Variants in KIAA1217 observed in about 807,000 individuals in gnomAD.
KIAA1217 encodes the protein KIAA1217, also known as sickle tail protein homolog.
Under a neutral mutation model 163.9 loss-of-function variants are expected in KIAA1217, and 88 were observed. The observed-to-expected ratio is 0.54, with a 90% CI of 0.45 to 0.64. The LOEUF is 0.64. Among genes scored for constraint, KIAA1217 ranks in the 30% least tolerant of loss-of-function variants. KIAA1217 has a pLI of 0.00. For synonymous variants in KIAA1217, 903 were observed against 923.1 expected (o/e 0.98, Z 0.39); for missense variants, 2,372 against 2,475.0 (o/e 0.96, Z 0.88).
Position 24,465,733 on chromosome 10 carries a change from T to C in KIAA1217, c.847-7495T>C, listed in dbSNP as rs116190261. 6.9e-4 allele frequency among the ~76,000 whole-genome samples: 105 copies of C among 152,312 alleles called. 1 individual carries two copies. The highest frequency in any genetic ancestry group is 2.4e-3 in the African/African-American group (100 of 41,578). ...CTCCGCTGAGAGCTGCACAAGTCAC[T>C]TCGTGTTGTGGACACGCACCTTCTT... On this transcript the variant is annotated intron_variant, in intron 5 of 20. Transcript: ENST00000376454.
intron 2 of KIAA1217, among the ~76,000 whole-genome samples, chr10:24,014,708 T>C (rs183951022): frequency 1.3e-5 from 2 of 152,258 alleles, no homozygotes; most frequent in East Asian, 3.9e-4. Context: ...CTTAAGAAAG[T>C]CTCAAAACTT....
intron 2 of KIAA1217, among the ~76,000 whole-genome samples, chr10:24,324,566 C>T (rs2044617076): frequency 6.6e-6 from 1 of 152,122 alleles, no homozygotes; most frequent in African/African-American, 2.4e-5. Flanking sequence ...GACTTCATAT[C>T]AAAACAAACA....
rs2075499882 is a variant in KIAA1217 at position 24,544,606 on chromosome 10, GTTCGCCATGAAACCC to G, written c.5211+129_5211+143del. 1.9e-5 allele frequency: 21 copies of G among 1,115,492 alleles called. No homozygotes were observed. In the South Asian group the frequency reaches 3.5e-4, roughly 18 times the overall value. 69.1% of individuals were successfully genotyped at this position (1,115,492 alleles called of 1,614,324 possible). A position where few individuals can be genotyped will look rare whatever the true frequency, so the allele number is the denominator to read the frequency against. On this transcript the variant is annotated intron_variant, in intron 19 of 20. Transcript: ENST00000376454. ...TCAGGTGGCTTTTTTTTTTTTGTCT[GTTCGCCATGAAACCC>G]TTCTTTCATACTTTCTCCCTCACCT...
At chr10:24,322,689 T>C (rs560574574) in intron 2 of KIAA1217, among the ~76,000 whole-genome samples, 6 of 152,220 alleles carry the variant, frequency 3.9e-5, no homozygotes, top group Admixed American at 3.9e-4. Context: ...CCAGAGTGGG[T>C]AGACGTCTTT....
Position 24,344,496 on chromosome 10 carries a change from T to G in KIAA1217, c.355-36373T>G, listed in dbSNP as rs80301369. The stretch of plus-strand genomic sequence containing the variant: ...CTTGCAGAGCAGGAAGTTGAGGTTT[T>G]GGGGTAGAGTCCAAGAGTCAGTTCT... On this transcript the variant is annotated intron_variant, in intron 2 of 20. Coordinates refer to ENST00000376454, the MANE Select transcript of KIAA1217 (RefSeq NM_019590.5). Among the ~76,000 whole-genome samples the G allele has an allele frequency of 6.6e-4, 100 of 152,314 alleles. No homozygotes were observed. In the East Asian group the frequency reaches 0.018, roughly 28 times the overall value.
intron 2 of KIAA1217, among the ~76,000 whole-genome samples, chr10:24,130,542 C>G (rs2063616330): frequency 6.6e-6 from 1 of 152,096 alleles, no homozygotes; most frequent in East Asian, 1.9e-4. Context: ...AATGAACTAG[C>G]AAATGTATGC....
chr10:24,167,008 A>G (rs1280951723), intron 2 of KIAA1217, among the ~76,000 whole-genome samples: 1 of 152,110 alleles, frequency 6.6e-6, no homozygotes, highest in Non-Finnish European at 1.5e-5. Flanking sequence ...GGCAGCGAAT[A>G]AGTTAAAAAT....
In KIAA1217 at chr10:24,438,442, T is replaced by C. The variant is rs2060235902; in HGVS notation, c.809T>C (p.Phe270Ser). Reference sequence around the variant, plus strand: ...TACAACAAGGATCCTGCACATGCGTTTAATCACACACCAAAAACTATGAAT... The same window carrying C: ...TACAACAAGGATCCTGCACATGCGTCTAATCACACACCAAAAACTATGAAT... ...KVYNKDPAHA[F>S]NHTPKTMNGD... The change falls in exon 5 of 21, where the codon TTT becomes TCT. Residue 270 changes from phenylalanine (F) to serine (S), a missense_variant. Physicochemically the swap from Phe to Ser is radical, Grantham distance 155. Coordinates refer to ENST00000376454, the MANE Select transcript of KIAA1217 (RefSeq NM_019590.5). 6.2e-7 allele frequency: 1 copy of C among 1,613,294 alleles called. No individual in the cohort carries two copies. The highest frequency in any genetic ancestry group is 1.3e-5 in the African/African-American group (1 of 74,916).
chr10:24,088,274 TACAC>T (rs1257847458), intron 2 of KIAA1217, among the ~76,000 whole-genome samples: 3 of 107,232 alleles, frequency 2.8e-5, no homozygotes, highest in African/African-American at 3.1e-5. Context: ...TATATATATA[TACAC>T]ACATATATGT....
At chr10:23,858,469 G>A (rs1040475976) in intron 1 of KIAA1217, among the ~76,000 whole-genome samples, 1 of 151,704 alleles carries the variant, frequency 6.6e-6, no homozygotes, top group East Asian at 1.9e-4. Context: ...ATATGTGTGT[G>A]TGTATATACA....
At chr10:24,428,009 G>T (rs1321623583) in intron 3 of KIAA1217, among the ~76,000 whole-genome samples, 3 of 152,326 alleles carry the variant, frequency 2.0e-5, no homozygotes, top group African/African-American at 7.2e-5. Context: ...CCAGCTGGCA[G>T]CTGCACCAGC....
intron 2 of KIAA1217, among the ~76,000 whole-genome samples, chr10:24,350,858 T>C (rs1196303412): frequency 1.3e-5 from 2 of 151,330 alleles, no homozygotes; most frequent in East Asian, 1.9e-4. Context: ...ACTGATAAGA[T>C]CTTAATTGCA....
chr10:24,412,220 T>G (rs953607793), intron 3 of KIAA1217, among the ~76,000 whole-genome samples: 1 of 152,132 alleles, frequency 6.6e-6, no homozygotes, highest in Non-Finnish European at 1.5e-5. Context: ...CTAAAAATAT[T>G]TCTATTATTA....
chr10:24,090,053 CTGAT>C (rs1170772363), intron 2 of KIAA1217, among the ~76,000 whole-genome samples: 2 of 151,642 alleles, frequency 1.3e-5, no homozygotes, highest in Non-Finnish European at 2.9e-5. Context: ...CTTGACCACT[CTGAT>C]TGTCTTTCTT....
chr10:24,162,496 G>T (rs1048324411), intron 2 of KIAA1217, among the ~76,000 whole-genome samples: 13 of 152,206 alleles, frequency 8.5e-5, no homozygotes, highest in African/African-American at 3.1e-4. Context: ...GAGCAAGCAG[G>T]TGTCTGTCTC....
intron 1 of KIAA1217, among the ~76,000 whole-genome samples, chr10:23,751,245 C>G (rs1238215375): frequency 1.3e-5 from 2 of 152,154 alleles, no homozygotes; most frequent in East Asian, 1.9e-4. Context: ...CCAGGTTGGT[C>G]TCAAACTCCT....
intron 2 of KIAA1217, among the ~76,000 whole-genome samples, chr10:24,321,780 T>C (rs1319509043): frequency 6.6e-6 from 1 of 152,092 alleles, no homozygotes; most frequent in Non-Finnish European, 1.5e-5. Flanking sequence ...GATGGGGATT[T>C]ACTGTTCAAT....
At chr10:24,507,042 C>T (rs77330114) in intron 9 of KIAA1217, among the ~76,000 whole-genome samples, 42 of 152,268 alleles carry the variant, frequency 2.8e-4, no homozygotes, top group Middle Eastern at 3.4e-3. Flanking sequence ...AAGCAAAAAG[C>T]GAAGAGGCCT....
intron 8 of KIAA1217, among the ~76,000 whole-genome samples, chr10:24,495,939 A>T (rs762991820): frequency 3.9e-5 from 6 of 152,242 alleles, no homozygotes; most frequent in Non-Finnish European, 2.9e-5. Flanking sequence ...GTTCACTAGT[A>T]TCCAGGTCTT....
Sources: gnomAD v4.1 joint callset for allele counts (sites outside exome capture counted in the v4.1 genomes callset) on GRCh38, gnomAD v4.1.1 for gene constraint, MANE v1.5 for transcripts, NCBI Gene and HGNC (gene_info 2026-07-23, HGNC 2026-07-21) for gene names.